Variants in DLGAP1 observed in about 807,000 individuals in gnomAD.
DLGAP1 encodes the protein DLG associated protein 1.
In DLGAP1, 11 loss-of-function variants were observed where a neutral mutation model predicts 90.8. That is an observed-to-expected ratio of 0.12 (90% CI 0.08 to 0.20). The LOEUF is 0.20. Among genes scored for constraint, DLGAP1 ranks in the 10% least tolerant of loss-of-function variants. The pLI is 1.00. For missense variants in DLGAP1, 1,050 were observed against 1,333.8 expected (o/e 0.79, Z 3.31); for synonymous variants, 558 against 540.7 (o/e 1.03, Z -0.44).
chr18:3,834,801 T>C (rs1057262303), intron 4 of DLGAP1, among the ~76,000 whole-genome samples: 2 of 152,202 alleles, frequency 1.3e-5, no homozygotes, highest in Admixed American at 1.3e-4. Context: ...TATGTAACTT[T>C]TATTAAAAAA....
intron 1 of DLGAP1, among the ~76,000 whole-genome samples, chr18:4,360,175 A>G (rs2081602712): frequency 6.6e-6 from 1 of 152,232 alleles, no homozygotes; most frequent in African/African-American, 2.4e-5. Flanking sequence ...GACAGAAAAA[A>G]GAGGATGGCT....
rs904634686 is a variant in DLGAP1 at position 3,893,080 on chromosome 18, A to G, written c.-72-12940T>C. ...ACCCTCCCATGCTTCTGAGTCTCCA[A>G]TGTCTATTATTCCATTCTTTATGTC... On this transcript the variant is annotated intron_variant, in intron 3 of 12. Coordinates refer to ENST00000315677, the MANE Select transcript of DLGAP1 (RefSeq NM_004746.4). Among the ~76,000 whole-genome samples, 17 of 151,906 alleles carry G rather than the reference A, an allele frequency of 1.1e-4. 1 individual carries two copies. The highest frequency in any genetic ancestry group is 3.9e-4 in the African/African-American group (16 of 41,428).
intron 10 of DLGAP1, among the ~76,000 whole-genome samples, chr18:3,519,753 C>G (rs958491663): frequency 1.3e-5 from 2 of 152,144 alleles, no homozygotes; most frequent in Non-Finnish European, 2.9e-5. Context: ...AGGGTTTGTC[C>G]CCTCTGGAGG....
intron 1 of DLGAP1, among the ~76,000 whole-genome samples, chr18:4,376,189 A>T (rs1049597703): frequency 2.0e-5 from 3 of 152,180 alleles, no homozygotes; most frequent in African/African-American, 7.2e-5. Flanking sequence ...ATGTCGGCCA[A>T]GGCACCAACC....
chr18:4,341,329 A>G (rs905232923), intron 1 of DLGAP1, among the ~76,000 whole-genome samples: 24 of 152,266 alleles, frequency 1.6e-4, no homozygotes, highest in East Asian at 1.3e-3. Context: ...TGTACTAAGA[A>G]ATTTTTGTCT....
At chr18:3,733,773 C>G (rs912367918) in intron 6 of DLGAP1, among the ~76,000 whole-genome samples, 1 of 152,146 alleles carries the variant, frequency 6.6e-6, no homozygotes, top group Non-Finnish European at 1.5e-5. Context: ...ATGTTTTATA[C>G]TTGAAAGTCA....
intron 1 of DLGAP1, among the ~76,000 whole-genome samples, chr18:4,435,428 TGAAAA>T (rs1359869571): frequency 4.6e-5 from 7 of 151,756 alleles, no homozygotes; most frequent in Non-Finnish European, 8.8e-5. Flanking sequence ...TATGGAAAGA[TGAAAA>T]GAAAAGGAAG....
At chr18:4,451,036 C>A (rs2083814221) in intron 1 of DLGAP1, among the ~76,000 whole-genome samples, 1 of 152,046 alleles carries the variant, frequency 6.6e-6, no homozygotes, top group Admixed American at 6.5e-5. Context: ...TACTTGCTGC[C>A]CAGTAATCAT....
At chr18:4,065,740 T>C (rs1429421551) in intron 2 of DLGAP1, among the ~76,000 whole-genome samples, 2 of 152,074 alleles carry the variant, frequency 1.3e-5, no homozygotes, top group African/African-American at 4.8e-5. Flanking sequence ...AAAATGGTCA[T>C]ACTCTCCAAA....
rs138602021 is a variant in DLGAP1, at chr18:4,136,535, CTTGTT to C, written c.-159+14640_-159+14644del. ...ATATATCTGTTTGGTATTTGTATGT[CTTGTT>C]TTAAGAAGTGTCTATTCAGATATTT... On this transcript the variant is annotated intron_variant, in intron 2 of 12. Coordinates refer to ENST00000315677, the MANE Select transcript of DLGAP1 (RefSeq NM_004746.4). Among the ~76,000 whole-genome samples the C allele has an allele frequency of 2.9e-4, 44 of 152,228 alleles. No individual in the cohort carries two copies. In the East Asian group the frequency reaches 7.9e-3, roughly 27 times the overall value.
At position 3,717,039 on chromosome 18, in the gene DLGAP1, CTTTTTTTTTTTT is replaced by C. The variant is rs56981271; in HGVS notation, c.1591+12084_1591+12095del. 3.5e-5 allele frequency among the ~76,000 whole-genome samples: 4 copies of C among 113,850 alleles called. No individual in the cohort carries two copies. In the Admixed American group the frequency reaches 3.8e-4, roughly 11 times the overall value. The allele number at this position is 113,850 out of a possible 152,430, so 74.7% of individuals were successfully genotyped here. On this transcript the variant is annotated intron_variant, in intron 7 of 12. Coordinates refer to ENST00000315677, the MANE Select transcript of DLGAP1 (RefSeq NM_004746.4). ...AGCGGTGCAAAGAGGGTGAGTTTGCCTTTTTTTTTTTTTTTTTTTTTTTAGTGGAAATTCAAA... is the reference window on the plus strand; with the variant it reads ...AGCGGTGCAAAGAGGGTGAGTTTGCCTTTTTTTTTTTAGTGGAAATTCAAA...
At chr18:3,728,794 G>A (rs896423824) in intron 7 of DLGAP1, among the ~76,000 whole-genome samples, 6 of 152,098 alleles carry the variant, frequency 3.9e-5, no homozygotes, top group Non-Finnish European at 7.4e-5. Context: ...CTAAAAGGCC[G>A]AGCCTAATTA....
At chr18:4,029,393 T>C (rs2074755849) in intron 2 of DLGAP1, among the ~76,000 whole-genome samples, 1 of 152,344 alleles carries the variant, frequency 6.6e-6, no homozygotes, top group Admixed American at 6.5e-5. Context: ...CTGGTAGTTC[T>C]ATTTTTAATT....
intron 2 of DLGAP1, among the ~76,000 whole-genome samples, chr18:4,055,602 A>G (rs1055180339): frequency 1.3e-5 from 2 of 152,070 alleles, no homozygotes; most frequent in African/African-American, 2.4e-5. Context: ...AGCTACATCC[A>G]TCTTGAGACT....
chr18:4,198,085 G>A (rs1007584993), intron 1 of DLGAP1, among the ~76,000 whole-genome samples: 2 of 152,046 alleles, frequency 1.3e-5, no homozygotes, highest in African/African-American at 2.4e-5. Flanking sequence ...CAGCCGGGGC[G>A]TGGTGGTGGG....
chr18:3,837,642 A>G (rs2068464441), intron 4 of DLGAP1, among the ~76,000 whole-genome samples: 1 of 152,064 alleles, frequency 6.6e-6, no homozygotes, highest in Non-Finnish European at 1.5e-5. Context: ...TGAGCTCGGG[A>G]GTTTGAGACC....
chr18:3,849,048 C>T lies in DLGAP1; in HGVS notation c.957+30064G>A, dbSNP rs183993403. 6.0e-3 allele frequency among the ~76,000 whole-genome samples: 907 copies of T among 152,248 alleles called. 7 individuals are homozygous for T. Among genetic ancestry groups the T allele is most frequent in the Non-Finnish European group, 8.2e-3 (561 of 68,024 alleles). On this transcript the variant is annotated intron_variant, in intron 4 of 12. Coordinates refer to ENST00000315677, the MANE Select transcript of DLGAP1 (RefSeq NM_004746.4). Reference sequence around the variant, plus strand: ...CAGCCGTGCTGGATTCATTTCTCACCCTTTTGTTTCTTTCTGCCTTTGCAA... The same window carrying T: ...CAGCCGTGCTGGATTCATTTCTCACTCTTTTGTTTCTTTCTGCCTTTGCAA...
At chr18:3,927,625 TTGA>T in intron 3 of DLGAP1, among the ~76,000 whole-genome samples, 1 of 152,202 alleles carries the variant, frequency 6.6e-6, no homozygotes, top group Non-Finnish European at 1.5e-5. Context: ...ATTTAGAGTT[TTGA>T]TGCTGAAAAC....
intron 7 of DLGAP1, among the ~76,000 whole-genome samples, chr18:3,592,855 A>AG (rs1452017532): frequency 1.5e-5 from 2 of 133,184 alleles, no homozygotes; most frequent in African/African-American, 5.8e-5. Flanking sequence ...AAAAAAAAAA[A>AG]AAAAAAAAAA....
Sources: allele counts gnomAD v4.1 joint callset (sites outside exome capture counted in the v4.1 genomes callset), GRCh38; gene constraint gnomAD v4.1.1; transcripts MANE v1.5; gene names NCBI Gene and HGNC (gene_info 2026-07-23, HGNC 2026-07-21).